The following CADM2 variants were observed in gnomAD, a reference collection of about 807,000 sequenced individuals.
The protein encoded by CADM2 is cell adhesion molecule 2.
Under a neutral mutation model 49.8 loss-of-function variants are expected in CADM2, and 12 were observed. That is an observed-to-expected ratio of 0.24 (90% CI 0.15 to 0.39). The LOEUF (loss-of-function observed/expected upper bound fraction) is 0.39, where lower values mean the gene tolerates loss of function less well. Among genes scored for constraint, CADM2 ranks in the 10% least tolerant of loss-of-function variants. CADM2 has a pLI of 1.00. For missense variants in CADM2, 378 were observed against 492.3 expected, an observed-to-expected ratio of 0.77 and a Z score of 2.20; for synonymous variants, 214 against 175.4, an observed-to-expected ratio of 1.22 and a Z score of -1.74.
chr3:85,282,737 A>G (rs181481915), intron 1 of CADM2, among the ~76,000 whole-genome samples: 29 of 152,210 alleles, frequency 1.9e-4, no homozygotes, highest in Middle Eastern at 3.4e-3. Flanking sequence ...TTCATTCTGC[A>G]TATTTCTAGC....
In CADM2 at chr3:85,883,294, T is replaced by G; in HGVS notation, c.242T>G (p.Leu81Ter). The G allele has an allele frequency of 6.2e-7, 1 of 1,608,062 alleles. No homozygotes were observed. The highest frequency in any genetic ancestry group is 8.5e-7 in the Non-Finnish European group (1 of 1,176,706). ...TTTCAATATTTTCTCTTTCCAGCTT[T>G]AAGGGACAATAGGATCGAGCTGGTT... ...QTLYFDDKKALRDNRIELVRA... is the reference protein window; with the variant it reads ...QTLYFDDKKA Residue 81 changes from leucine to a stop codon, truncating the protein, a stop_gained, in exon 4 of 10, where the codon TTA becomes TGA. Transcript: ENST00000383699. LOFTEE classifies it high-confidence loss of function.
chr3:85,480,010 T>A lies in CADM2; in HGVS notation c.62-246512T>A, dbSNP rs556305159. Reference sequence around the variant, plus strand: ...TTTATGTATTTTATACTATTTTTTTTAAACTCTGTGTAGGCCGTATAACTT... The same window carrying A: ...TTTATGTATTTTATACTATTTTTTTAAAACTCTGTGTAGGCCGTATAACTT... On this transcript the variant is annotated intron_variant, in intron 1 of 9. Transcript: ENST00000383699. 5.3e-5 allele frequency among the ~76,000 whole-genome samples: 8 copies of A among 151,982 alleles called. No homozygotes were observed. In the East Asian group the frequency reaches 1.5e-3, roughly 29 times the overall value.
chr3:85,007,882 G>T (rs1316325605), intron 1 of CADM2, among the ~76,000 whole-genome samples: 3 of 152,112 alleles, frequency 2.0e-5, no homozygotes, highest in Non-Finnish European at 4.4e-5. Flanking sequence ...CTTCTGTTAA[G>T]AACTGGAAAA....
intron 1 of CADM2, among the ~76,000 whole-genome samples, chr3:85,024,351 G>T (rs761791753): frequency 8.6e-5 from 13 of 151,996 alleles, no homozygotes; most frequent in East Asian, 3.9e-4. Flanking sequence ...AAACTCAGTT[G>T]CCCAAGATTA....
intron 1 of CADM2, among the ~76,000 whole-genome samples, chr3:85,510,327 C>T (rs768271607): frequency 2.6e-5 from 4 of 151,928 alleles, no homozygotes; most frequent in East Asian, 1.9e-4. Flanking sequence ...CTGCAACTGA[C>T]GTAAAATGTG....
rs548985586 is a variant in CADM2, at chr3:85,396,074, A to G, written c.62-330448A>G. Among the ~76,000 whole-genome samples, 13 of 151,076 alleles carry G rather than the reference A, an allele frequency of 8.6e-5. No individual in the cohort carries two copies. The East Asian group carries it at 1.9e-3, about 23-fold the overall frequency. On this transcript the variant is annotated intron_variant, in intron 1 of 9. Transcript: ENST00000383699. ...ATTTATAAAATAAATATGCAATTATATTTTCAGTATTGATTCTGAAGAAAG... is the reference window on the plus strand; with the variant it reads ...ATTTATAAAATAAATATGCAATTATGTTTTCAGTATTGATTCTGAAGAAAG...
chr3:85,348,420 G>T (rs2030989362), intron 1 of CADM2, among the ~76,000 whole-genome samples: 1 of 152,010 alleles, frequency 6.6e-6, no homozygotes, highest in Admixed American at 6.6e-5. Context: ...TAAATATCTG[G>T]GTACCCCATG....
At chr3:85,559,322 G>A (rs1405260132) in intron 1 of CADM2, among the ~76,000 whole-genome samples, 1 of 151,850 alleles carries the variant, frequency 6.6e-6, no homozygotes, top group Non-Finnish European at 1.5e-5. Context: ...TATAAAAATG[G>A]CACCTTTTGA....
chr3:85,472,394 C>T (rs1316773040), intron 1 of CADM2, among the ~76,000 whole-genome samples: 3 of 151,458 alleles, frequency 2.0e-5, no homozygotes, highest in Non-Finnish European at 4.4e-5. Flanking sequence ...ACACACGCAC[C>T]CACACAGAAA....
At chr3:85,501,222 T>C (rs1009775890) in intron 1 of CADM2, among the ~76,000 whole-genome samples, 5 of 152,214 alleles carry the variant, frequency 3.3e-5, no homozygotes, top group African/African-American at 9.6e-5. Context: ...TAGGATAATG[T>C]AACATCTATT....
rs535848519 is a variant in CADM2, at chr3:85,466,614, A to G, written c.62-259908A>G. Among the ~76,000 whole-genome samples, 6 of 152,318 alleles carry G rather than the reference A, an allele frequency of 3.9e-5. No individual in the cohort carries two copies. The East Asian group carries it at 9.6e-4, about 24-fold the overall frequency. On this transcript the variant is annotated intron_variant, in intron 1 of 9. Transcript: ENST00000383699. ...ATATAAAACATTAGATTTTAATGCTATATGAAATCATGTCAGATTAATTGC... is the reference window on the plus strand; with the variant it reads ...ATATAAAACATTAGATTTTAATGCTGTATGAAATCATGTCAGATTAATTGC...
chr3:85,645,596 T>G (rs2107565443), intron 1 of CADM2, among the ~76,000 whole-genome samples: 1 of 152,124 alleles, frequency 6.6e-6, no homozygotes, highest in Non-Finnish European at 1.5e-5. Flanking sequence ...TACTTAGAGA[T>G]TAAAGCTCTG....
intron 1 of CADM2, among the ~76,000 whole-genome samples, chr3:85,114,662 G>C (rs1242218158): frequency 6.6e-6 from 1 of 152,082 alleles, no homozygotes; most frequent in Non-Finnish European, 1.5e-5. Context: ...ATCAGATCTG[G>C]TGCGAGATAG....
intron 1 of CADM2, among the ~76,000 whole-genome samples, chr3:85,039,151 G>A (rs61493023): frequency 0.027 from 4,078 of 152,096 alleles, 184 homozygotes; most frequent in African/African-American, 0.093. Context: ...AGAGGTACCC[G>A]CAACCACACC....
chr3:86,019,695 A>G (rs981902619), intron 8 of CADM2, among the ~76,000 whole-genome samples: 1 of 152,100 alleles, frequency 6.6e-6, no homozygotes, highest in Non-Finnish European at 1.5e-5. Flanking sequence ...TTGTTGGTGT[A>G]TAAGAAAGCT....
intron 1 of CADM2, among the ~76,000 whole-genome samples, chr3:85,095,527 T>G (rs192810697): frequency 6.6e-6 from 1 of 152,274 alleles, no homozygotes; most frequent in East Asian, 1.9e-4. Context: ...CTTAAACAAA[T>G]ACTTATGAGA....
chr3:85,104,682 T>C (rs1433603724), intron 1 of CADM2, among the ~76,000 whole-genome samples: 7 of 152,212 alleles, frequency 4.6e-5, no homozygotes. Flanking sequence ...TTTCATGACA[T>C]TGATTCTTCC....
chr3:86,019,393 A>G (rs77280996), intron 8 of CADM2, among the ~76,000 whole-genome samples: 2 of 149,636 alleles, frequency 1.3e-5, no homozygotes, highest in Non-Finnish European at 3.0e-5. Flanking sequence ...ACTTTAAAGT[A>G]GTTTTTTCCA....
intron 1 of CADM2, among the ~76,000 whole-genome samples, chr3:85,711,715 A>C (rs1299149834): frequency 6.6e-6 from 1 of 152,178 alleles, no homozygotes; most frequent in Non-Finnish European, 1.5e-5. Flanking sequence ...ATAGATATTC[A>C]ACCTCAAAGC....
Sources: allele counts gnomAD v4.1 joint callset (sites outside exome capture counted in the v4.1 genomes callset), GRCh38; gene constraint gnomAD v4.1.1; transcripts MANE v1.5; gene names NCBI Gene and HGNC (gene_info 2026-07-23, HGNC 2026-07-21).